FER1L5: variants seen among roughly 807,000 people sequenced by gnomAD.
FER1L5 encodes fer-1-like protein 5.
FER1L5 carries 187 observed loss-of-function variants against 279.9 expected under a neutral mutation model. The ratio of observed to expected loss-of-function variants is 0.67; its 90% confidence interval spans 0.59 to 0.75. The LOEUF is 0.75. Among genes scored for constraint, FER1L5 ranks in the 30% least tolerant of loss-of-function variants. FER1L5 has a pLI of 0.00. For missense variants in FER1L5, 2,091 were observed against 2,594.4 expected, an observed-to-expected ratio of 0.81 and a Z score of 4.21; for synonymous variants, 921 against 989.7, an observed-to-expected ratio of 0.93 and a Z score of 1.30.
chr2:96,646,917 A>G (rs1158147453), intron 2 of FER1L5, 147 bp from the exon 3 acceptor site: 1 of 830,242 alleles, frequency 1.2e-6, no homozygotes, highest in African/African-American at 1.8e-5. Context: ...AGCAAACGCC[A>G]TCTCCTGAGG....
chr2:96,673,195 T>A lies in FER1L5; in HGVS notation c.1610T>A (p.Met537Lys), dbSNP rs756357884. ...EVSIGHYGNK[M>K]DLNYKPLVSS... ...AGCATCGGTCACTATGGGAACAAGA[T>A]GGACCTGAATTACAAGCCTCTAGTC... Residue 537 changes from methionine (M) to lysine (K), a missense_variant, in exon 19 of 53, where the codon ATG becomes AAG. Transcript: ENST00000624922. The A allele has an allele frequency of 1.3e-6, 2 of 1,551,460 alleles. No individual in the cohort carries two copies. Among genetic ancestry groups the A allele is most frequent in the Non-Finnish European group, 8.7e-7 (1 of 1,146,962 alleles).
chr2:96,670,224 T>G lies in FER1L5; in HGVS notation c.1468T>G (p.Ser490Ala). Residue 490 changes from serine (S) to alanine (A), a missense_variant, in exon 18 of 53, where the codon TCC (serine) becomes GCC (alanine). By Grantham distance (99) the Ser-to-Ala change is moderately conservative. Coordinates refer to ENST00000624922, the MANE Select transcript of FER1L5 (RefSeq NM_001293083.2). ...SYQDSTIKDL[S>A]HEVTRIEKHQ... ...TCAAGACTCCACGATAAAGGATCTCTCCCATGAAGTGACCAGGATAGAGGT... is the reference window on the plus strand; with the variant it reads ...TCAAGACTCCACGATAAAGGATCTCGCCCATGAAGTGACCAGGATAGAGGT... 1.9e-6 allele frequency: 3 copies of G among 1,551,512 alleles called. No individual in the cohort carries two copies. The highest frequency in any genetic ancestry group is 1.2e-5 in the South Asian group (1 of 84,054).
At position 96,686,014 on chromosome 2, in the gene FER1L5, T is replaced by G. The variant is rs1049689164; in HGVS notation, c.1970T>G (p.Leu657Arg). Residue 657 changes from leucine (L) to arginine (R), a missense_variant, in exon 22 of 53, where the codon CTC becomes CGC. Coordinates refer to ENST00000624922, the MANE Select transcript of FER1L5 (RefSeq NM_001293083.2). The stretch of plus-strand genomic sequence containing the variant: ...AGGAAGAGGTGGCAGCTCCGCAGCC[T>G]CCTCCTGCAGGAACTGGCCCAAAAG... The part of the protein sequence containing the change: ...LDRKRWQLRS[L>R]LLQELAQKAK... The G allele has an allele frequency of 1.9e-6, 3 of 1,551,474 alleles. No homozygotes were observed. The highest frequency in any genetic ancestry group is 2.0e-5 in the Admixed American group (1 of 51,004).
intron 1 of FER1L5, among the ~76,000 whole-genome samples, chr2:96,646,114 T>C (rs1052321511): frequency 1.3e-5 from 2 of 148,844 alleles, no homozygotes; most frequent in African/African-American, 4.9e-5. Context: ...TTCTCCTGCC[T>C]CAGCCTCCCA....
chr2:96,650,280 G>A lies in FER1L5; in HGVS notation c.495G>A (p.Gln165=), dbSNP rs1233880690. 1.3e-6 allele frequency: 2 copies of A among 1,551,522 alleles called. No individual in the cohort carries two copies. Among genetic ancestry groups the A allele is most frequent in the African/African-American group, 2.7e-5 (2 of 73,158 alleles). ...TAHRALSSKP[Q]HFQVRVKVFE... ...ACAGGGCTCTGTCCTCAAAGCCTCA[G>A]CACTTTCAGGTGAGGACCTTCCAGG... The change falls in exon 6 of 53, where the codon CAG becomes CAA. Residue 165 remains glutamine, a synonymous_variant. Transcript: ENST00000624922.
chr2:96,658,704 T>A (rs995328287), intron 9 of FER1L5, among the ~76,000 whole-genome samples: 4 of 152,124 alleles, frequency 2.6e-5, no homozygotes, highest in African/African-American at 9.7e-5. Flanking sequence ...CTTTTTTATT[T>A]TAGCCATTCT....
chr2:96,696,614 T>G (rs1348116490), intron 37 of FER1L5, among the ~76,000 whole-genome samples: 1 of 152,000 alleles, frequency 6.6e-6, no homozygotes, highest in African/African-American at 2.4e-5. Flanking sequence ...AAAAAAAATT[T>G]TTTTGGCTGG....
chr2:96,704,356 A>G lies in FER1L5; in HGVS notation c.5943A>G (p.Ser1981=), dbSNP rs2077706961. The G allele has an allele frequency of 6.2e-7, 1 of 1,613,622 alleles. No homozygotes were observed. The highest frequency in any genetic ancestry group is 1.1e-5 in the South Asian group (1 of 91,072). ...IALMLFNFIY[S]APHYLAMSWI... is the part of the protein sequence containing the mutation. Reference sequence around the variant, plus strand: ...TTATGCTGTTTAACTTCATCTATTCAGCTCCGGTGAGTGGCAGCCATGGGG... The same window carrying G: ...TTATGCTGTTTAACTTCATCTATTCGGCTCCGGTGAGTGGCAGCCATGGGG... The change falls in exon 52 of 53, where the codon TCA becomes TCG. Residue 1981 remains serine (S), a synonymous_variant. Transcript: ENST00000624922.
chr2:96,677,709 T>C (rs1471350254), intron 19 of FER1L5, among the ~76,000 whole-genome samples: 1 of 151,826 alleles, frequency 6.6e-6, no homozygotes, highest in Non-Finnish European at 1.5e-5. Context: ...CTACTAAAAA[T>C]ACAAAATTAC....
At position 96,703,530 on chromosome 2, in the gene FER1L5, T is replaced by TGAAGATGAGCCTGGAGATTCTGTCA; in HGVS notation, c.5702_5726dup (p.Lys1910AspfsTer76). On this transcript the variant is annotated frameshift_variant, in exon 51 of 53. Transcript: ENST00000624922. LOFTEE classifies it high-confidence loss of function. ...CACCCATGGTGTTCCTAGGGCAAGG[T>TGAAGATGAGCCTGGAGATTCTGTCA]GAAGATGAGCCTGGAGATTCTGTCA... 1.2e-6 allele frequency: 2 copies of TGAAGATGAGCCTGGAGATTCTGTCA among 1,613,842 alleles called. No individual in the cohort carries two copies. Among genetic ancestry groups the TGAAGATGAGCCTGGAGATTCTGTCA allele is most frequent in the Non-Finnish European group, 1.7e-6 (2 of 1,179,850 alleles).
intron 19 of FER1L5, among the ~76,000 whole-genome samples, chr2:96,681,562 T>G (rs1274800817): frequency 6.6e-6 from 1 of 152,034 alleles, no homozygotes; most frequent in Non-Finnish European, 1.5e-5. Context: ...TTTTTAAAGA[T>G]AATTTGTACA....
In FER1L5 at chr2:96,700,319, C is replaced by T; in HGVS notation, c.4931-13C>T. The T allele has an allele frequency of 6.2e-7, 1 of 1,611,906 alleles. No homozygotes were observed. The highest frequency in any genetic ancestry group is 2.2e-5 in the East Asian group (1 of 44,870). On this transcript the variant is annotated splice_polypyrimidine_tract_variant and intron_variant, in intron 44 of 52. Coordinates refer to ENST00000624922, the MANE Select transcript of FER1L5 (RefSeq NM_001293083.2). ...ACCTCGCAATCCCCTCCTTCCATCCCCCTCCAATCCAGAGCCCAAAACCCC... is the reference window on the plus strand; with the variant it reads ...ACCTCGCAATCCCCTCCTTCCATCCTCCTCCAATCCAGAGCCCAAAACCCC...
chr2:96,671,421 G>GT (rs1553453880), intron 18 of FER1L5, among the ~76,000 whole-genome samples: 1 of 152,224 alleles, frequency 6.6e-6, no homozygotes, highest in Non-Finnish European at 1.5e-5. Flanking sequence ...CCAACAGAAC[G>GT]TAAGTGAGGC....
chr2:96,692,337 C>T (rs541932592), intron 31 of FER1L5, among the ~76,000 whole-genome samples, 156 bp downstream of exon 31: 3 of 152,320 alleles, frequency 2.0e-5, no homozygotes, highest in African/African-American at 7.2e-5. Flanking sequence ...GTCCCTGGGT[C>T]CTGGTGTCAG....
chr2:96,669,264 T>A, intron 17 of FER1L5, 127 bp downstream of exon 17: 1 of 893,200 alleles, frequency 1.1e-6, no homozygotes, highest in Non-Finnish European at 1.7e-6. Context: ...GTGGAGGACG[T>A]GAAGCCTGTC....
chr2:96,660,047 G>A (rs1350746511), intron 9 of FER1L5, among the ~76,000 whole-genome samples: 3 of 152,214 alleles, frequency 2.0e-5, no homozygotes, highest in Non-Finnish European at 4.4e-5. Context: ...GAGTAGGGTA[G>A]AGTTGGGCTG....
At chr2:96,653,547 G>A in intron 7 of FER1L5, 93 bp from the exon 8 acceptor site, 2 of 964,772 alleles carry the variant, frequency 2.1e-6, no homozygotes, top group East Asian at 5.2e-5. Context: ...GTTGTGGAAA[G>A]AAGCACATTA....
intron 19 of FER1L5, among the ~76,000 whole-genome samples, chr2:96,675,111 G>T (rs933410954): frequency 6.6e-6 from 1 of 152,122 alleles, no homozygotes; most frequent in Admixed American, 6.5e-5. Flanking sequence ...TTGTATGTGG[G>T]TATGTGTACT....
intron 18 of FER1L5, 148 bp downstream of exon 18, chr2:96,670,395 T>C: frequency 9.4e-7 from 1 of 1,065,418 alleles, no homozygotes; most frequent in Non-Finnish European, 1.3e-6. Context: ...GCCTGATTAT[T>C]TACTAAGGCC....
Sources: allele counts gnomAD v4.1 joint callset (sites outside exome capture counted in the v4.1 genomes callset), GRCh38; gene constraint gnomAD v4.1.1; transcripts MANE v1.5; gene names NCBI Gene and HGNC (gene_info 2026-07-23, HGNC 2026-07-21).